PDE1C: variants seen among roughly 807,000 people sequenced by gnomAD.
The protein encoded by PDE1C is phosphodiesterase 1C.
PDE1C carries 62 observed loss-of-function variants against 93.1 expected under a neutral mutation model. The ratio of observed to expected loss-of-function variants is 0.67; its 90% confidence interval spans 0.54 to 0.82. PDE1C has a LOEUF of 0.82. Ranked by LOEUF, PDE1C falls within the 40% of genes least tolerant of loss-of-function variation. The pLI is 0.00. For synonymous variants in PDE1C, 325 were observed against 310.1 expected, an observed-to-expected ratio of 1.05 and a Z score of -0.50; for missense variants, 742 against 884.6, an observed-to-expected ratio of 0.84 and a Z score of 2.04.
intron 16 of PDE1C, among the ~76,000 whole-genome samples, chr7:31,805,839 CA>C (rs768533960): frequency 2.0e-4 from 31 of 151,930 alleles, no homozygotes; most frequent in Non-Finnish European, 3.7e-4. Flanking sequence ...GAAGTCCTCT[CA>C]AGGCAGTAAG....
In PDE1C at chr7:32,120,135, C is replaced by T. The variant is rs138735804; in HGVS notation, c.308+49650G>A. 1.4e-3 allele frequency among the ~76,000 whole-genome samples: 212 copies of T among 152,336 alleles called. 2 individuals are homozygous for T. Among genetic ancestry groups the T allele is most frequent in the African/African-American group, 4.9e-3 (205 of 41,582 alleles). ...CAGCTGTGTTAGACGGCGGCCAGAG[C>T]GCCTCTTCAGGCCTGACCCTGACTC... On this transcript the variant is annotated intron_variant, in intron 3 of 18. Transcript: ENST00000396193.
chr7:31,818,324 A>C (rs1048370414), intron 14 of PDE1C, among the ~76,000 whole-genome samples: 2 of 152,166 alleles, frequency 1.3e-5, no homozygotes, highest in African/African-American at 2.4e-5. Flanking sequence ...TCTCAGTAGG[A>C]TGCAGGACCA....
chr7:32,295,877 G>A (rs1304653571), intron 1 of PDE1C, among the ~76,000 whole-genome samples: 1 of 126,698 alleles, frequency 7.9e-6, no homozygotes. Flanking sequence ...CCGGGTGAGA[G>A]AGCGAGACTC....
intron 1 of PDE1C, among the ~76,000 whole-genome samples, chr7:32,361,087 G>A (rs1405596287): frequency 1.3e-5 from 2 of 152,236 alleles, no homozygotes; most frequent in African/African-American, 2.4e-5. Context: ...ACTATTAAGT[G>A]TGAGACACCA....
intron 1 of PDE1C, among the ~76,000 whole-genome samples, chr7:32,234,670 TG>T (rs1200018532): frequency 6.6e-6 from 1 of 152,044 alleles, no homozygotes; most frequent in Non-Finnish European, 1.5e-5. Flanking sequence ...GTTTCACTGC[TG>T]AATTCTAGAA....
chr7:31,775,038 T>C (rs2128629249), intron 17 of PDE1C, among the ~76,000 whole-genome samples: 1 of 152,312 alleles, frequency 6.6e-6, no homozygotes, highest in Non-Finnish European at 1.5e-5. Flanking sequence ...GACAGAATGA[T>C]CAATAAGTGC....
chr7:32,349,006 A>G (rs1484236345), intron 1 of PDE1C, among the ~76,000 whole-genome samples: 1 of 152,238 alleles, frequency 6.6e-6, no homozygotes, highest in Non-Finnish European at 1.5e-5. Flanking sequence ...AAGACAGTCT[A>G]ACAGAACCAA....
chr7:31,672,629 T>C, the PDE1C span, among the ~76,000 whole-genome samples: 1 of 152,164 alleles, frequency 6.6e-6, no homozygotes, highest in South Asian at 2.1e-4. Flanking sequence ...AAGTACATTT[T>C]GGGGAGTGTA....
At chr7:32,236,519 A>T (rs1585007074) in intron 1 of PDE1C, among the ~76,000 whole-genome samples, 1 of 151,076 alleles carries the variant, frequency 6.6e-6, no homozygotes, top group East Asian at 1.9e-4. Flanking sequence ...TACATAGAAG[A>T]TACACAGTAG....
intron 1 of PDE1C, among the ~76,000 whole-genome samples, chr7:32,292,739 C>G (rs971704026): frequency 1.3e-5 from 2 of 152,196 alleles, no homozygotes; most frequent in Admixed American, 6.5e-5. Flanking sequence ...TGGTCCCCTC[C>G]TCCTGCTGTG....
At chr7:31,892,254 T>C (rs1798738879) in intron 2 of PDE1C, among the ~76,000 whole-genome samples, 1 of 152,112 alleles carries the variant, frequency 6.6e-6, no homozygotes, top group African/African-American at 2.4e-5. Flanking sequence ...TCTGATGACT[T>C]TGGAGAGCAT....
chr7:31,773,639 T>C (rs1795643651), intron 17 of PDE1C, among the ~76,000 whole-genome samples: 1 of 151,796 alleles, frequency 6.6e-6, no homozygotes, highest in Non-Finnish European at 1.5e-5. Context: ...GTCTGTAGAG[T>C]TGAAACAAAT....
At chr7:31,800,424 A>C (rs1260885335) in intron 16 of PDE1C, among the ~76,000 whole-genome samples, 1 of 151,568 alleles carries the variant, frequency 6.6e-6, no homozygotes, top group African/African-American at 2.4e-5. Flanking sequence ...CTTGTATGTG[A>C]TGTATAGTTA....
In PDE1C at chr7:32,274,228, G is replaced by A. The variant is rs142860102; in HGVS notation, c.85+24423C>T. On this transcript the variant is annotated intron_variant, in intron 1 of 18. Transcript: ENST00000396193. ...TTTTTAATTTTTTTTTTTTTTTTGA[G>A]ACGGGCTCTTGCTCTGTCAGCTAAG... 4.0e-3 allele frequency among the ~76,000 whole-genome samples: 590 copies of A among 146,836 alleles called. 3 individuals are homozygous for A. The highest frequency in any genetic ancestry group is 0.012 in the African/African-American group (471 of 39,434).
intron 2 of PDE1C, among the ~76,000 whole-genome samples, chr7:32,024,069 T>C (rs1337266034): frequency 1.3e-5 from 2 of 152,128 alleles, no homozygotes; most frequent in African/African-American, 4.8e-5. Flanking sequence ...TATTTCAAAA[T>C]AAAAACTTTA....
chr7:31,763,719 T>C (rs1226711897), intron 17 of PDE1C, among the ~76,000 whole-genome samples: 5 of 152,200 alleles, frequency 3.3e-5, no homozygotes, highest in African/African-American at 1.2e-4. Flanking sequence ...CAGCCATCAT[T>C]GTTACACAGC....
At chr7:32,339,442 T>C (rs1783702380) in intron 1 of PDE1C, among the ~76,000 whole-genome samples, 1 of 152,176 alleles carries the variant, frequency 6.6e-6, no homozygotes, top group African/African-American at 2.4e-5. Flanking sequence ...TGCACAGCAG[T>C]GTGAATGTAC....
the PDE1C span, among the ~76,000 whole-genome samples, chr7:31,634,212 T>G: frequency 6.6e-6 from 1 of 152,178 alleles, no homozygotes; most frequent in African/African-American, 2.4e-5. Flanking sequence ...AGGGTCCCCC[T>G]AATTGGGAGG....
At chr7:31,681,226 G>T in the PDE1C span, among the ~76,000 whole-genome samples, 6 of 152,222 alleles carry the variant, frequency 3.9e-5, no homozygotes, top group African/African-American at 9.6e-5. Flanking sequence ...GCTGTACTTG[G>T]CCATCTTCCC....
Sources: allele counts gnomAD v4.1 joint callset (sites outside exome capture counted in the v4.1 genomes callset), GRCh38; gene constraint gnomAD v4.1.1; transcripts MANE v1.5; gene names NCBI Gene and HGNC (gene_info 2026-07-23, HGNC 2026-07-21).